Variants in MRPS33 observed in about 807,000 individuals in gnomAD.
MRPS33 encodes small ribosomal subunit protein mS33.
Under a neutral mutation model 11.2 loss-of-function variants are expected in MRPS33, and 11 were observed. That is an observed-to-expected ratio of 0.99 (90% confidence interval 0.62 to 1.63). The LOEUF is 1.63. Ranked by LOEUF, MRPS33 falls within the 40% of genes most tolerant of loss-of-function variation. The pLI is 0.00. For synonymous variants in MRPS33, 46 were observed against 44.0 expected (o/e 1.05, Z -0.18); for missense variants, 109 against 127.8 (o/e 0.85, Z 0.71).
rs1820510937 is a variant in MRPS33 at position 141,005,815 on chromosome 7, T to G, written c.*615A>C. On this transcript the variant is annotated 3_prime_UTR_variant, in exon 3 of 3. Coordinates refer to ENST00000324787, the MANE Select transcript of MRPS33 (RefSeq NM_053035.3). The stretch of plus-strand genomic sequence containing the variant: ...TATGTAATTATGTAATATTAGTCCC[T>G]CCCACAAGACTGAAACTTACATGAG... 6.6e-6 allele frequency: 1 copy of G among 152,502 alleles called. No individual in the cohort carries two copies. The highest frequency in any genetic ancestry group is 2.1e-4 in the South Asian group (1 of 4,842). 9.4% of individuals were successfully genotyped at this position (152,502 alleles called of 1,614,324 possible). A position where few individuals can be genotyped will look rare whatever the true frequency, so the allele number is the denominator to read the frequency against.
Position 141,006,389 on chromosome 7 carries a change from C to G in MRPS33, c.*41G>C. On this transcript the variant is annotated 3_prime_UTR_variant, in exon 3 of 3. Coordinates refer to ENST00000324787, the MANE Select transcript of MRPS33 (RefSeq NM_053035.3). ...AGACAATAAATGCACTTTCTTCTCT[C>G]CGCCACTGAGGAAGAAAGTCTCCCT... 3 of 1,520,846 alleles carry G rather than the reference C, an allele frequency of 2.0e-6. No individual in the cohort carries two copies. The South Asian group carries it at 3.4e-5, about 17-fold the overall frequency. The allele number at this position is 1,520,846 out of a possible 1,614,324, so 94.2% of individuals were successfully genotyped here.
Position 141,002,769 on chromosome 7 carries a change from A to T in MRPS33, c.*3661T>A, listed in dbSNP as rs1820434561. Reference sequence around the variant, plus strand: ...TTATGGAGCCCATAATTACATAAATAATAAGATGTTACCTCTCATCTACCT... The same window carrying T: ...TTATGGAGCCCATAATTACATAAATTATAAGATGTTACCTCTCATCTACCT... On this transcript the variant is annotated 3_prime_UTR_variant, in exon 3 of 3. Coordinates refer to ENST00000324787, the MANE Select transcript of MRPS33 (RefSeq NM_053035.3). 6.1e-6 allele frequency: 1 copy of T among 163,058 alleles called. No individual in the cohort carries two copies. The highest frequency in any genetic ancestry group is 1.3e-5 in the Non-Finnish European group (1 of 74,788). 10.1% of individuals were successfully genotyped at this position (163,058 alleles called of 1,614,324 possible).
In MRPS33 at chr7:141,006,385, C is replaced by G; in HGVS notation, c.*45G>C. On this transcript the variant is annotated 3_prime_UTR_variant, in exon 3 of 3. Coordinates refer to ENST00000324787, the MANE Select transcript of MRPS33 (RefSeq NM_053035.3). Reference sequence around the variant, plus strand: ...GGAAAGACAATAAATGCACTTTCTTCTCTCCGCCACTGAGGAAGAAAGTCT... The same window carrying G: ...GGAAAGACAATAAATGCACTTTCTTGTCTCCGCCACTGAGGAAGAAAGTCT... The G allele has an allele frequency of 6.6e-7, 1 of 1,508,324 alleles. No homozygotes were observed. The highest frequency in any genetic ancestry group is 9.2e-7 in the Non-Finnish European group (1 of 1,092,302). The allele number at this position is 1,508,324 out of a possible 1,614,324, so 93.4% of individuals were successfully genotyped here.
In MRPS33 at chr7:141,004,360, A is replaced by C. The variant is rs1820473577; in HGVS notation, c.*2070T>G. ...GCTGGAATTCACTTCTACCACATACAAACCACCCAATTTTATTTTATTTTA... is the reference window on the plus strand; with the variant it reads ...GCTGGAATTCACTTCTACCACATACCAACCACCCAATTTTATTTTATTTTA... On this transcript the variant is annotated 3_prime_UTR_variant, in exon 3 of 3. Transcript: ENST00000324787. 6.6e-6 allele frequency: 1 copy of C among 151,886 alleles called. No homozygotes were observed. The allele number at this position is 151,886 out of a possible 1,614,324, so 9.4% of individuals were successfully genotyped here.
intron 2 of MRPS33, among the ~76,000 whole-genome samples, chr7:141,008,983 C>G (rs373913306): frequency 1.9e-4 from 28 of 151,032 alleles, no homozygotes; most frequent in African/African-American, 6.8e-4. Flanking sequence ...TTAGTAGAGA[C>G]GGGGTTTCAC....
At chr7:141,007,005 C>G (rs922162369) in intron 2 of MRPS33, among the ~76,000 whole-genome samples, 2 of 152,108 alleles carry the variant, frequency 1.3e-5, no homozygotes, top group African/African-American at 4.8e-5. Flanking sequence ...TTAGTGGCAG[C>G]AGGTAACTCA....
At position 141,004,604 on chromosome 7, in the gene MRPS33, AAT is replaced by A. The variant is rs1042080378; in HGVS notation, c.*1824_*1825del. ...TTTATATTTTGATTATTTTTTGAAT[AAT>A]ATGTTTGAATATTGACACTATTGTA... On this transcript the variant is annotated 3_prime_UTR_variant, in exon 3 of 3. Transcript: ENST00000324787. 37 of 152,342 alleles carry A rather than the reference AAT, an allele frequency of 2.4e-4. 1 individual carries two copies. Among genetic ancestry groups the A allele is most frequent in the African/African-American group, 7.2e-4 (30 of 41,590 alleles). The allele number at this position is 152,342 out of a possible 1,614,324, so 9.4% of individuals were successfully genotyped here.
At chr7:141,010,368 G>A in intron 2 of MRPS33, 51 bp downstream of exon 2, 1 of 1,562,928 alleles carries the variant, frequency 6.4e-7, no homozygotes, top group Non-Finnish European at 8.7e-7. Flanking sequence ...TTCCTTTTCT[G>A]ATCTACTGAA....
At chr7:141,010,700 GA>G in intron 1 of MRPS33, 40 bp from the exon 2 acceptor site, 1 of 1,421,566 alleles carries the variant, frequency 7.0e-7, no homozygotes, top group Non-Finnish European at 9.9e-7. Context: ...GTTAGGGTAA[GA>G]AATTCCAAGA....
At chr7:141,014,155 G>A (rs1250901903) in intron 1 of MRPS33, among the ~76,000 whole-genome samples, 2 of 152,102 alleles carry the variant, frequency 1.3e-5, no homozygotes, top group Non-Finnish European at 2.9e-5. Flanking sequence ...TCTCTGCCAG[G>A]TTCTCTCATC....
intron 1 of MRPS33, 125 bp downstream of exon 1, chr7:141,014,785 GC>G (rs1441782276): frequency 1.3e-5 from 2 of 152,182 alleles, no homozygotes; most frequent in Non-Finnish European, 2.9e-5. Flanking sequence ...CACGTGAACC[GC>G]CCGAGCTGGT....
intron 2 of MRPS33, 166 bp downstream of exon 2, chr7:141,010,243 TGGTCTCTCCA>T (rs1412767884): frequency 8.4e-6 from 5 of 595,486 alleles, no homozygotes; most frequent in Non-Finnish European, 1.5e-5. Flanking sequence ...TTTTTTTTTT[TGGTCTCTCCA>T]TTATGGGTAT....
At position 141,006,425 on chromosome 7, in the gene MRPS33, C is replaced by T. The variant is rs201879195; in HGVS notation, c.*5G>A. ...GAAGAAAGTCTCCCTCTTGAGGGAC[C>T]AACACTATTTCCTTTTTGCTGCTCT... On this transcript the variant is annotated 3_prime_UTR_variant, in exon 3 of 3. Coordinates refer to ENST00000324787, the MANE Select transcript of MRPS33 (RefSeq NM_053035.3). The T allele has an allele frequency of 3.0e-4, 489 of 1,610,972 alleles. 1 individual carries two copies. Among genetic ancestry groups the T allele is most frequent in the Admixed American group, 1.3e-4 (8 of 59,982 alleles).
At chr7:141,011,466 G>A (rs1294564682) in intron 1 of MRPS33, among the ~76,000 whole-genome samples, 1 of 152,094 alleles carries the variant, frequency 6.6e-6, no homozygotes, top group Non-Finnish European at 1.5e-5. Context: ...TGATATCCGT[G>A]ATATGCACGA....
At position 141,006,188 on chromosome 7, in the gene MRPS33, A is replaced by G; in HGVS notation, c.*242T>C. ...AAACAATAACTTAGGTATTTATTTC[A>G]TTAGAGAATCAGGTAAACCTCACAT... is the stretch of plus-strand genomic sequence containing the variant. On this transcript the variant is annotated 3_prime_UTR_variant, in exon 3 of 3. Coordinates refer to ENST00000324787, the MANE Select transcript of MRPS33 (RefSeq NM_053035.3). 9.6e-6 allele frequency: 5 copies of G among 520,642 alleles called. No homozygotes were observed. The highest frequency in any genetic ancestry group is 1.4e-5 in the Non-Finnish European group (4 of 292,910). The allele number at this position is 520,642 out of a possible 1,614,324, so 32.3% of individuals were successfully genotyped here.
At chr7:141,007,792 C>A (rs534904233) in intron 2 of MRPS33, among the ~76,000 whole-genome samples, 1 of 152,348 alleles carries the variant, frequency 6.6e-6, no homozygotes, top group Admixed American at 6.5e-5. Context: ...TGTCCTGTTT[C>A]ATCCTGTAAT....
chr7:141,010,708 A>G, intron 1 of MRPS33, 48 bp from the exon 2 acceptor site: 1 of 1,362,482 alleles, frequency 7.3e-7, no homozygotes, highest in Non-Finnish European at 1.0e-6. Context: ...AAGAAATTCC[A>G]AGATTAGCTA....
rs1270711482 is a variant in MRPS33 at position 141,006,166 on chromosome 7, C to T, written c.*264G>A. 2 of 448,896 alleles carry T rather than the reference C, an allele frequency of 4.5e-6. No homozygotes were observed. Among genetic ancestry groups the T allele is most frequent in the East Asian group, 8.5e-5 (2 of 23,636 alleles). The allele number at this position is 448,896 out of a possible 1,614,324, so 27.8% of individuals were successfully genotyped here. On this transcript the variant is annotated 3_prime_UTR_variant, in exon 3 of 3. Coordinates refer to ENST00000324787, the MANE Select transcript of MRPS33 (RefSeq NM_053035.3). ...ATCCCACCCCAAACAAATCATCAAA[C>T]AATAACTTAGGTATTTATTTCATTA...
chr7:141,010,953 C>T (rs536121873), intron 1 of MRPS33, among the ~76,000 whole-genome samples: 12 of 152,274 alleles, frequency 7.9e-5, no homozygotes, highest in Admixed American at 3.9e-4. Flanking sequence ...AGTCAGTTTA[C>T]CTATTTGTAG....
Sources: allele counts gnomAD v4.1 joint callset (sites outside exome capture counted in the v4.1 genomes callset), GRCh38; gene constraint gnomAD v4.1.1; transcripts MANE v1.5; gene names NCBI Gene and HGNC (gene_info 2026-07-23, HGNC 2026-07-21).